The following SLC22A15 variants were observed in gnomAD, a reference collection of about 807,000 sequenced individuals.
SLC22A15 encodes the protein flipt 1.
Under a neutral mutation model 62.7 loss-of-function variants are expected in SLC22A15, and 45 were observed. The ratio of observed to expected loss-of-function variants is 0.72; its 90% confidence interval spans 0.56 to 0.92. SLC22A15 has a LOEUF of 0.92. SLC22A15 is among the 40% of genes least tolerant of loss of function. The pLI is 0.00. For missense variants in SLC22A15, 622 were observed against 665.6 expected, an observed-to-expected ratio of 0.93 and a Z score of 0.72; for synonymous variants, 264 against 267.0, an observed-to-expected ratio of 0.99 and a Z score of 0.11.
At chr1:115,996,452 A>G (rs1295274641) in intron 2 of SLC22A15, among the ~76,000 whole-genome samples, 1 of 152,020 alleles carries the variant, frequency 6.6e-6, no homozygotes, top group Non-Finnish European at 1.5e-5. Flanking sequence ...CATCAACACT[A>G]TGTGTTATTT....
At chr1:116,032,731 C>A in intron 6 of SLC22A15, 1 of 712,168 alleles carries the variant, frequency 1.4e-6, no homozygotes, top group Non-Finnish European at 1.7e-6. Flanking sequence ...CGTTGAAAGC[C>A]AAACCTGACA....
In SLC22A15 at chr1:115,992,097, C is replaced by T; in HGVS notation, c.154C>T (p.Leu52=). 1.2e-6 allele frequency: 2 copies of T among 1,613,958 alleles called. No individual in the cohort carries two copies. The highest frequency in any genetic ancestry group is 1.1e-5 in the South Asian group (1 of 91,072). Residue 52 remains leucine (L), a synonymous_variant, in exon 2 of 12, where the codon CTG becomes TTG. Transcript: ENST00000369503. ...GGCCACGCCATCCTACCACTGGGACCTGGCAGAGCTCCTGCCAAATCAGAG... is the reference window on the plus strand; with the variant it reads ...GGCCACGCCATCCTACCACTGGGACTTGGCAGAGCTCCTGCCAAATCAGAG... ...VGATPSYHWD[L]AELLPNQSHG...
intron 8 of SLC22A15, among the ~76,000 whole-genome samples, chr1:116,053,601 G>C (rs1166493098): frequency 1.3e-5 from 2 of 152,120 alleles, no homozygotes; most frequent in Non-Finnish European, 2.9e-5. Context: ...ACACGTAATT[G>C]TCAGATTCAC....
At chr1:115,978,612 G>A (rs1654442117) in intron 1 of SLC22A15, among the ~76,000 whole-genome samples, 1 of 152,134 alleles carries the variant, frequency 6.6e-6, no homozygotes, top group Non-Finnish European at 1.5e-5. Context: ...GTGTTTTTAA[G>A]GACTCAGTTA....
rs145427455 is a variant in SLC22A15, at chr1:116,064,293, G to A, written c.1293-143G>A. The A allele has an allele frequency of 2.6e-4, 161 of 621,964 alleles. No individual in the cohort carries two copies. The African/African-American group carries it at 2.6e-3, about 10-fold the overall frequency. 38.5% of individuals were successfully genotyped at this position (621,964 alleles called of 1,614,324 possible). On this transcript the variant is annotated intron_variant, in intron 9 of 11. Coordinates refer to ENST00000369503, the MANE Select transcript of SLC22A15 (RefSeq NM_018420.3). Reference sequence around the variant, plus strand: ...ATTCCTAGCATCTCAGGAACATCTAGTAGGCAGCTCTAGAACCCACTGTTC... The same window carrying A: ...ATTCCTAGCATCTCAGGAACATCTAATAGGCAGCTCTAGAACCCACTGTTC...
intron 2 of SLC22A15, among the ~76,000 whole-genome samples, chr1:116,000,109 A>G (rs996179073): frequency 2.0e-5 from 3 of 152,044 alleles, no homozygotes; most frequent in Non-Finnish European, 4.4e-5. Flanking sequence ...ATTCAATGTT[A>G]TTGTTGATAA....
chr1:115,986,886 AAC>A (rs757353622), intron 1 of SLC22A15, among the ~76,000 whole-genome samples: 6 of 152,332 alleles, frequency 3.9e-5, no homozygotes, highest in Non-Finnish European at 7.4e-5. Context: ...AAGAAAACGA[AAC>A]AGAGAGGTTT....
intron 1 of SLC22A15, among the ~76,000 whole-genome samples, chr1:115,990,512 T>G (rs1655092696): frequency 6.6e-6 from 1 of 152,266 alleles, no homozygotes; most frequent in Non-Finnish European, 1.5e-5. Context: ...ATTAGTAAGG[T>G]TTTTATTTTT....
intron 8 of SLC22A15, among the ~76,000 whole-genome samples, chr1:116,053,741 G>A (rs545229460): frequency 0.018 from 2,755 of 152,174 alleles, 82 homozygotes; most frequent in African/African-American, 0.063. Context: ...GAGAGTGGGG[G>A]CGAATATTCA....
chr1:116,024,531 G>C (rs1656998085), intron 4 of SLC22A15, among the ~76,000 whole-genome samples: 1 of 152,142 alleles, frequency 6.6e-6, no homozygotes, highest in East Asian at 1.9e-4. Flanking sequence ...GACTTGAAAT[G>C]TTTATTTTTT....
At chr1:116,065,105 T>TCTGTGAAAGAACCC (rs1160855243) in intron 10 of SLC22A15, among the ~76,000 whole-genome samples, 19 of 152,124 alleles carry the variant, frequency 1.2e-4, no homozygotes, top group Non-Finnish European at 2.4e-4. Context: ...ATGCTCAGAT[T>TCTGTGAAAGAACCC]CTGTGAAAGA....
At position 116,016,506 on chromosome 1, in the gene SLC22A15, G is replaced by A. The variant is rs914984186; in HGVS notation, c.301-3076G>A. 6.6e-5 allele frequency among the ~76,000 whole-genome samples: 10 copies of A among 152,154 alleles called. 1 individual carries two copies. The highest frequency in any genetic ancestry group is 8.8e-5 in the Non-Finnish European group (6 of 68,032). On this transcript the variant is annotated intron_variant, in intron 2 of 11. Coordinates refer to ENST00000369503, the MANE Select transcript of SLC22A15 (RefSeq NM_018420.3). ...CTTCCCAAAGTGCTGGGATACAGGC[G>A]TAGCCACTGCACCCAGCCTGTATCT...
intron 6 of SLC22A15, among the ~76,000 whole-genome samples, chr1:116,033,983 C>T (rs955358407): frequency 9.9e-5 from 15 of 152,126 alleles, no homozygotes; most frequent in East Asian, 3.9e-4. Context: ...TACATTACTA[C>T]AGCCTGGGGT....
Position 115,992,052 on chromosome 1 carries a change from A to C in SLC22A15, c.109A>C (p.Ile37Leu). ...LLQLYVATEA[I>L]LIALVGATPS... Reference sequence around the variant, plus strand: ...TCAGCTCTACGTGGCCACGGAGGCCATCCTCATTGCACTGGTTGGGGCCAC... The same window carrying C: ...TCAGCTCTACGTGGCCACGGAGGCCCTCCTCATTGCACTGGTTGGGGCCAC... The change falls in exon 2 of 12, where the codon ATC becomes CTC. Residue 37 changes from isoleucine (I) to leucine (L), a missense_variant. Ile to Leu is a conservative substitution (Grantham distance 5, BLOSUM62 2). Coordinates refer to ENST00000369503, the MANE Select transcript of SLC22A15 (RefSeq NM_018420.3). The C allele has an allele frequency of 6.2e-7, 1 of 1,613,740 alleles. No homozygotes were observed. The highest frequency in any genetic ancestry group is 1.1e-5 in the South Asian group (1 of 91,066).
chr1:116,019,412 A>C (rs561068008), intron 2 of SLC22A15, among the ~76,000 whole-genome samples, 170 bp from the exon 3 acceptor site: 2 of 152,344 alleles, frequency 1.3e-5, no homozygotes, highest in East Asian at 3.9e-4. Flanking sequence ...AGTGTTTCTG[A>C]AGATAAAATC....
At chr1:116,036,816 G>A (rs915461900) in intron 7 of SLC22A15, among the ~76,000 whole-genome samples, 3 of 152,094 alleles carry the variant, frequency 2.0e-5, no homozygotes, top group Non-Finnish European at 4.4e-5. Context: ...TTTTCTGTGT[G>A]TATTTTTAAG....
intron 1 of SLC22A15, among the ~76,000 whole-genome samples, chr1:115,988,122 G>A (rs1181125241): frequency 2.6e-5 from 4 of 152,324 alleles, no homozygotes; most frequent in Middle Eastern, 3.4e-3. Context: ...CCAGCCATCT[G>A]TGGCACTTGT....
chr1:116,010,202 G>A (rs1300231339), intron 2 of SLC22A15, among the ~76,000 whole-genome samples: 4 of 152,118 alleles, frequency 2.6e-5, no homozygotes, highest in Non-Finnish European at 5.9e-5. Flanking sequence ...CAAATATCAC[G>A]GAGACACACA....
intron 8 of SLC22A15, among the ~76,000 whole-genome samples, chr1:116,057,269 A>T (rs1329346155): frequency 6.6e-6 from 1 of 152,112 alleles, no homozygotes; most frequent in Non-Finnish European, 1.5e-5. Flanking sequence ...CACTTCTCAA[A>T]AGAAGACATT....
Sources: gnomAD v4.1 joint callset for allele counts (sites outside exome capture counted in the v4.1 genomes callset) on GRCh38, gnomAD v4.1.1 for gene constraint, MANE v1.5 for transcripts, NCBI Gene and HGNC (gene_info 2026-07-23, HGNC 2026-07-21) for gene names.